Variants in SFXN5 observed in about 807,000 individuals in gnomAD.
SFXN5 encodes the protein sideroflexin 5.
A neutral mutation model predicts 50.2 loss-of-function variants in SFXN5; 43 were observed. The observed-to-expected ratio is 0.86, with a 90% CI of 0.67 to 1.11. The LOEUF is 1.11. Among genes scored for constraint, SFXN5 ranks in the 50% least tolerant of loss-of-function variants. SFXN5 has a pLI of 0.00. For missense variants in SFXN5, 463 were observed against 454.1 expected, an observed-to-expected ratio of 1.02 and a Z score of -0.18; for synonymous variants, 203 against 185.8, an observed-to-expected ratio of 1.09 and a Z score of -0.75.
intron 1 of SFXN5, among the ~76,000 whole-genome samples, chr2:73,065,139 T>C (rs545237310): frequency 1.3e-5 from 2 of 152,146 alleles, no homozygotes; most frequent in African/African-American, 2.4e-5. Context: ...TCTCACTCTG[T>C]TGCCCAGCTG....
intron 12 of SFXN5, 76 bp downstream of exon 12, chr2:72,968,372 C>T: frequency 7.0e-7 from 1 of 1,425,102 alleles, no homozygotes; most frequent in South Asian, 1.2e-5. Flanking sequence ...CATCTCTTGC[C>T]TGGGCCAGCC....
At chr2:73,033,367 C>T (rs1250661026) in intron 3 of SFXN5, among the ~76,000 whole-genome samples, 2 of 152,140 alleles carry the variant, frequency 1.3e-5, no homozygotes, top group Admixed American at 6.6e-5. Context: ...AATAAATAAG[C>T]ACATTTTCTG....
intron 13 of SFXN5, among the ~76,000 whole-genome samples, chr2:72,955,888 C>T (rs1470797199): frequency 1.3e-5 from 2 of 152,252 alleles, no homozygotes; most frequent in African/African-American, 4.8e-5. Flanking sequence ...ACAAGGGAGG[C>T]ACCCAGCACC....
At chr2:73,022,951 C>G (rs145366893) in intron 4 of SFXN5, among the ~76,000 whole-genome samples, 2 of 152,310 alleles carry the variant, frequency 1.3e-5, no homozygotes, top group African/African-American at 4.8e-5. Context: ...GTGGACAGAG[C>G]CCTGTCTCTT....
At chr2:73,069,926 C>T (rs187950939) in intron 1 of SFXN5, among the ~76,000 whole-genome samples, 1 of 152,322 alleles carries the variant, frequency 6.6e-6, no homozygotes, top group Non-Finnish European at 1.5e-5. Context: ...AAGATCAGCC[C>T]CTTCTTGCAA....
intron 6 of SFXN5, among the ~76,000 whole-genome samples, chr2:73,009,544 T>C (rs1362825862): frequency 2.0e-5 from 3 of 152,232 alleles, no homozygotes; most frequent in Non-Finnish European, 4.4e-5. Flanking sequence ...GTGAGCATTG[T>C]CATTTCAGTT....
intron 3 of SFXN5, among the ~76,000 whole-genome samples, chr2:73,034,865 T>C (rs1678765496): frequency 2.6e-5 from 4 of 152,234 alleles, no homozygotes; most frequent in Admixed American, 2.6e-4. Context: ...CCAGCATCTC[T>C]GCCTGGTTTT....
At chr2:73,012,590 C>T (rs1675646972) in intron 6 of SFXN5, among the ~76,000 whole-genome samples, 1 of 149,968 alleles carries the variant, frequency 6.7e-6, no homozygotes, top group Non-Finnish European at 1.5e-5. Context: ...TGCAAAGATT[C>T]AGAAAGGCAT....
chr2:72,966,244 G>A (rs1674385961), intron 12 of SFXN5, among the ~76,000 whole-genome samples: 2 of 152,194 alleles, frequency 1.3e-5, no homozygotes, highest in Admixed American at 1.3e-4. Flanking sequence ...CTTGACTTGT[G>A]CGAGTGTTCT....
chr2:72,976,166 T>G (rs904898227), intron 10 of SFXN5, among the ~76,000 whole-genome samples: 1 of 152,240 alleles, frequency 6.6e-6, no homozygotes, highest in African/African-American at 2.4e-5. Flanking sequence ...CAGAGTGGTC[T>G]GCTTGGGGAA....
intron 13 of SFXN5, chr2:72,957,175 A>G (rs1673197116): frequency 4.6e-6 from 2 of 435,734 alleles, no homozygotes; most frequent in African/African-American, 2.0e-5. Context: ...ATCTCCAGCC[A>G]AACTCTCTCC....
intron 2 of SFXN5, among the ~76,000 whole-genome samples, chr2:73,052,888 C>T (rs1309026121): frequency 6.6e-6 from 1 of 152,090 alleles, no homozygotes; most frequent in South Asian, 2.1e-4. Flanking sequence ...TTCAAGATTC[C>T]CCCACATGGC....
At chr2:72,993,162 G>A (rs1251303932) in intron 9 of SFXN5, among the ~76,000 whole-genome samples, 1 of 152,190 alleles carries the variant, frequency 6.6e-6, no homozygotes, top group Non-Finnish European at 1.5e-5. Flanking sequence ...CCTCTTGGGT[G>A]GTAGATAATA....
chr2:73,037,525 G>C (rs1679134637), intron 3 of SFXN5, among the ~76,000 whole-genome samples: 1 of 152,192 alleles, frequency 6.6e-6, no homozygotes, highest in South Asian at 2.1e-4. Flanking sequence ...GGAGTCTTCA[G>C]ATTGAAAGGG....
chr2:72,983,516 A>G (rs1366408463), intron 10 of SFXN5, among the ~76,000 whole-genome samples: 1 of 152,160 alleles, frequency 6.6e-6, no homozygotes, highest in Non-Finnish European at 1.5e-5. Flanking sequence ...TGAGGAGCTC[A>G]GGGCCTAGCT....
intron 1 of SFXN5, among the ~76,000 whole-genome samples, chr2:73,070,069 A>T (rs1396289199): frequency 1.3e-5 from 2 of 152,230 alleles, no homozygotes; most frequent in Non-Finnish European, 1.5e-5. Flanking sequence ...GAAGCCTGCG[A>T]TCTGATGGGA....
chr2:73,047,298 A>ATATATACAC (rs1394689911), intron 2 of SFXN5, among the ~76,000 whole-genome samples: 5 of 99,618 alleles, frequency 5.0e-5, no homozygotes, highest in Admixed American at 1.2e-4. Flanking sequence ...ATATATATAT[A>ATATATACAC]AAATATATAT....
intron 2 of SFXN5, among the ~76,000 whole-genome samples, chr2:73,042,253 T>C (rs929689993): frequency 1.3e-5 from 2 of 152,168 alleles, no homozygotes; most frequent in Non-Finnish European, 2.9e-5. Context: ...AAACTGCAAA[T>C]AATTCATTGT....
chr2:72,960,090 G>A lies in SFXN5; in HGVS notation c.945+1041C>T, dbSNP rs1257281963. On this transcript the variant is annotated intron_variant, in intron 13 of 13. Transcript: ENST00000272433. The surrounding 1 kb of genome is among the most constrained non-coding windows in gnomAD (Gnocchi z 6.1). Reference sequence around the variant, plus strand: ...CCCTGGCTGCTTGTCTTTGGACCCCGCCAGGGTGGAGGCCTCACCCACCAC... The same window carrying A: ...CCCTGGCTGCTTGTCTTTGGACCCCACCAGGGTGGAGGCCTCACCCACCAC... Among the ~76,000 whole-genome samples, 3 of 151,080 alleles carry A rather than the reference G, an allele frequency of 2.0e-5. No homozygotes were observed. The highest frequency in any genetic ancestry group is 4.9e-5 in the African/African-American group (2 of 41,010).
Sources: gnomAD v4.1 joint callset for allele counts (sites outside exome capture counted in the v4.1 genomes callset) on GRCh38, gnomAD v4.1.1 for gene constraint, Gnocchi (gnomAD v3.1) non-coding constraint, MANE v1.5 for transcripts, NCBI Gene and HGNC (gene_info 2026-07-23, HGNC 2026-07-21) for gene names.